The following NUP214 variants were observed in gnomAD, a reference collection of about 807,000 sequenced individuals.
NUP214 encodes the protein nuclear pore complex protein Nup214.
A neutral mutation model predicts 196.2 loss-of-function variants in NUP214; 79 were observed. That is an observed-to-expected ratio of 0.40 (90% confidence interval 0.34 to 0.49). NUP214 has a LOEUF of 0.49. NUP214 is among the 20% of genes least tolerant of loss of function. The pLI is 0.58. For missense variants in NUP214, 2,468 were observed against 2,539.0 expected (o/e 0.97, Z 0.60); for synonymous variants, 1,020 against 990.5 (o/e 1.03, Z -0.56).
chr9:131,213,632 G>A (rs192037768), intron 30 of NUP214, among the ~76,000 whole-genome samples: 76 of 152,246 alleles, frequency 5.0e-4, no homozygotes, highest in African/African-American at 1.8e-3. Context: ...TTCATTGTTA[G>A]GTTTTCTAAC....
At chr9:131,217,078 G>A (rs1834421732) in intron 31 of NUP214, among the ~76,000 whole-genome samples, 1 of 152,114 alleles carries the variant, frequency 6.6e-6, no homozygotes, top group African/African-American at 2.4e-5. Context: ...TAAGGCCTGT[G>A]CAGTTAGCAA....
intron 24 of NUP214, among the ~76,000 whole-genome samples, chr9:131,186,342 C>T (rs910726559): frequency 6.6e-6 from 1 of 152,184 alleles, no homozygotes; most frequent in Non-Finnish European, 1.5e-5. Context: ...TTAGGAAGGT[C>T]CCCTTGTTAT....
chr9:131,217,785 A>G (rs367880314), intron 31 of NUP214, among the ~76,000 whole-genome samples: 2 of 152,222 alleles, frequency 1.3e-5, no homozygotes, highest in African/African-American at 4.8e-5. Context: ...TCATATCCCT[A>G]TAAACATTCG....
intron 27 of NUP214, among the ~76,000 whole-genome samples, chr9:131,192,971 C>T (rs1173657185): frequency 7.8e-6 from 1 of 127,858 alleles, no homozygotes; most frequent in Non-Finnish European, 1.6e-5. Context: ...AAAAAAAAGG[C>T]TTACTGCATC....
intron 28 of NUP214, among the ~76,000 whole-genome samples, chr9:131,196,040 G>C (rs568672671): frequency 0.75 from 4,277 of 5,708 alleles, 1,699 homozygotes; most frequent in East Asian, 0.96. Flanking sequence ...CCCCCCCCCC[G>C]CGCCAAAAAA....
At chr9:131,230,449 G>T in intron 33 of NUP214, 181 bp from the exon 34 acceptor site, 1 of 632,210 alleles carries the variant, frequency 1.6e-6, no homozygotes. Context: ...CTAGAGCAGA[G>T]ATAAAAGTTG....
At chr9:131,145,139 C>G (rs565547611) in intron 12 of NUP214, among the ~76,000 whole-genome samples, 1 of 152,180 alleles carries the variant, frequency 6.6e-6, no homozygotes, top group South Asian at 2.1e-4. Context: ...TCTCTCTGAA[C>G]TGCTGTCTAC....
intron 21 of NUP214, among the ~76,000 whole-genome samples, chr9:131,165,513 C>T (rs986372707): frequency 1.4e-4 from 22 of 152,064 alleles, no homozygotes; most frequent in Admixed American, 6.6e-4. Flanking sequence ...AAGCTTTGTG[C>T]ACTATTGGTG....
intron 32 of NUP214, among the ~76,000 whole-genome samples, chr9:131,224,615 C>T (rs1179234082): frequency 6.6e-6 from 1 of 152,152 alleles, no homozygotes; most frequent in Non-Finnish European, 1.5e-5. Flanking sequence ...TATTTAGAGC[C>T]TAAAGTGCTG....
chr9:131,227,597 G>A (rs149906926), intron 32 of NUP214, among the ~76,000 whole-genome samples: 1,666 of 152,248 alleles, frequency 0.011, 28 homozygotes, highest in African/African-American at 0.038. Context: ...CAGCATACAC[G>A]TCTCTGTCTC....
In NUP214 at chr9:131,232,553, G is replaced by A. The variant is rs538734486; in HGVS notation, c.6239+245G>A. 4.3e-5 allele frequency: 25 copies of A among 580,794 alleles called. No individual in the cohort carries two copies. The highest frequency in any genetic ancestry group is 1.4e-4 in the Admixed American group (5 of 34,828). The allele number at this position is 580,794 out of a possible 1,614,324, so 36.0% of individuals were successfully genotyped here. ...GCGTGGTTCAAAGAGAAAAGAGCAC[G>A]CCTGCCAGTGAGCTGGGCCTGAGGG... is the stretch of plus-strand genomic sequence containing the variant. On this transcript the variant is annotated intron_variant, in intron 35 of 35. Coordinates refer to ENST00000359428, the MANE Select transcript of NUP214 (RefSeq NM_005085.4). This position sits in a 1 kb window ranked among gnomAD's most constrained non-coding sequence, Gnocchi z 5.1.
chr9:131,227,748 G>A (rs1304491547), intron 32 of NUP214, among the ~76,000 whole-genome samples: 1 of 152,160 alleles, frequency 6.6e-6, no homozygotes, highest in Admixed American at 6.5e-5. Context: ...GCTAGGTAGG[G>A]ATTGGAGTTT....
intron 26 of NUP214, chr9:131,190,120 C>T (rs1466185480): frequency 1.2e-5 from 3 of 257,826 alleles, no homozygotes; most frequent in African/African-American, 2.2e-5. Context: ...TTCTAGAATT[C>T]GGAGTGATAT....
chr9:131,197,147 A>G (rs1833810320), intron 28 of NUP214, 69 bp from the exon 29 acceptor site: 2 of 1,563,592 alleles, frequency 1.3e-6, no homozygotes, highest in Non-Finnish European at 8.7e-7. Flanking sequence ...TAGAAACACA[A>G]TCAGTGGAAA....
chr9:131,140,762 AGAGTATTT>A, intron 11 of NUP214, 52 bp downstream of exon 11: 1 of 1,542,678 alleles, frequency 6.5e-7, no homozygotes, highest in Non-Finnish European at 8.8e-7. Flanking sequence ...GGCTTGCACA[AGAGTATTT>A]CCAAGAATGA....
At chr9:131,138,055 CTGCTCCA>C (rs1318459357) in intron 9 of NUP214, among the ~76,000 whole-genome samples, 2 of 152,146 alleles carry the variant, frequency 1.3e-5, no homozygotes, top group Non-Finnish European at 2.9e-5. Flanking sequence ...TGTCTGTTAC[CTGCTCCA>C]TAGCTAAGTC....
intron 24 of NUP214, among the ~76,000 whole-genome samples, chr9:131,186,144 CG>C (rs1428379044): frequency 1.3e-5 from 2 of 152,202 alleles, no homozygotes; most frequent in Admixed American, 1.3e-4. Context: ...ACAGATTCAG[CG>C]GAGGTGACGG....
intron 21 of NUP214, among the ~76,000 whole-genome samples, chr9:131,165,794 G>A (rs986446087): frequency 1.1e-4 from 16 of 152,118 alleles, no homozygotes; most frequent in African/African-American, 3.6e-4. Context: ...CTTTAAAAAG[G>A]AATTTTTGAC....
intron 31 of NUP214, among the ~76,000 whole-genome samples, chr9:131,219,926 T>G (rs1465252849): frequency 6.6e-6 from 1 of 152,220 alleles, no homozygotes; most frequent in Non-Finnish European, 1.5e-5. Flanking sequence ...CAGGATGATA[T>G]GGGGCCTGGT....
Sources: allele counts gnomAD v4.1 joint callset (sites outside exome capture counted in the v4.1 genomes callset), GRCh38; gene constraint gnomAD v4.1.1; non-coding constraint Gnocchi (gnomAD v3.1); transcripts MANE v1.5; gene names NCBI Gene and HGNC (gene_info 2026-07-23, HGNC 2026-07-21).